PCDHA10: variants seen among roughly 807,000 people sequenced by gnomAD.
PCDHA10 encodes the protein protocadherin alpha 10.
A neutral mutation model predicts 61.2 loss-of-function variants in PCDHA10; 45 were observed. That is an observed-to-expected ratio of 0.74 (90% CI 0.58 to 0.94). The LOEUF is 0.94. Ranked by LOEUF, PCDHA10 falls within the 40% of genes least tolerant of loss-of-function variation. PCDHA10 has a pLI of 0.00. For missense variants in PCDHA10, 1,278 were observed against 1,236.2 expected (o/e 1.03, Z -0.51); for synonymous variants, 602 against 548.8 (o/e 1.10, Z -1.35).
rs1238840347 is a variant in PCDHA10 at position 140,858,526 on chromosome 5, AT to A, written c.2388+95del. On this transcript the variant is annotated intron_variant, in intron 1 of 3. Coordinates refer to ENST00000307360, the MANE Select transcript of PCDHA10 (RefSeq NM_018901.4). ...TCTCAAATATGTATCAGAATATTTC[AT>A]TTTTGTCTACATTCCATTTATGCTT... 6.2e-5 allele frequency: 87 copies of A among 1,407,632 alleles called. 5 individuals carry two copies. The highest frequency in any genetic ancestry group is 8.4e-5 in the Non-Finnish European group (85 of 1,016,948). The allele number at this position is 1,407,632 out of a possible 1,614,324, so 87.2% of individuals were successfully genotyped here.
intron 1 of PCDHA10, among the ~76,000 whole-genome samples, chr5:140,909,538 A>T (rs1204423392): frequency 6.6e-6 from 1 of 152,148 alleles, no homozygotes; most frequent in East Asian, 1.9e-4. Context: ...TGAGTCCTTG[A>T]TGGTGGCACT....
At chr5:140,967,989 T>G (rs781892084) in intron 1 of PCDHA10, 2 of 1,614,228 alleles carry the variant, frequency 1.2e-6, no homozygotes, top group Non-Finnish European at 1.7e-6. Flanking sequence ...GAGGCCACAC[T>G]GCCTTTCCGA....
In PCDHA10 at chr5:140,929,377, C is replaced by G. The variant is rs1436728913; in HGVS notation, c.2389-49572C>G. 3 of 1,514,232 alleles carry G rather than the reference C, an allele frequency of 2.0e-6. No homozygotes were observed. In the African/African-American group the frequency reaches 4.2e-5, roughly 21 times the overall value. The allele number at this position is 1,514,232 out of a possible 1,614,324, so 93.8% of individuals were successfully genotyped here. Reference sequence around the variant, plus strand: ...CCTTTGGCCCGGAGATGGCTGCTAGCTGTGTTTTGAAATATTTCTTAGACA... The same window carrying G: ...CCTTTGGCCCGGAGATGGCTGCTAGGTGTGTTTTGAAATATTTCTTAGACA... On this transcript the variant is annotated intron_variant, in intron 1 of 3. Coordinates refer to ENST00000307360, the MANE Select transcript of PCDHA10 (RefSeq NM_018901.4).
chr5:140,865,376 G>A (rs1554159396), intron 1 of PCDHA10: 1 of 152,162 alleles, frequency 6.6e-6, no homozygotes, highest in African/African-American at 2.4e-5. Context: ...CATGTTATAG[G>A]TAGGGTAAAG....
At chr5:140,936,425 T>C (rs1471918068) in intron 1 of PCDHA10, among the ~76,000 whole-genome samples, 2 of 152,244 alleles carry the variant, frequency 1.3e-5, no homozygotes, top group Non-Finnish European at 2.9e-5. Flanking sequence ...TAATTTTAAT[T>C]AATTTAAGCT....
intron 1 of PCDHA10, among the ~76,000 whole-genome samples, chr5:140,962,009 G>C (rs545144318): frequency 1.3e-4 from 19 of 151,596 alleles, no homozygotes; most frequent in African/African-American, 3.6e-4. Flanking sequence ...TCAGCTTCCC[G>C]AGTAGCTGGG....
rs1554214040 is a variant in PCDHA10, at chr5:140,941,214, C to CCTTCCTTTCTTTCTTTCTTTCTTTCTTT, written c.2389-37732_2389-37731insCCTTTCTTTCTTTCTTTCTTTCTTTCTT. Reference sequence around the variant, plus strand: ...TTTTTTCTTTCTTCCTTTCTTTCTTCCTTTCTTTCTTTCTTTCTTTCTTTC... The same window carrying CCTTCCTTTCTTTCTTTCTTTCTTTCTTT: ...TTTTTTCTTTCTTCCTTTCTTTCTTCCTTCCTTTCTTTCTTTCTTTCTTTCTTTCTTTCTTTCTTTCTTTCTTTCTTTC... On this transcript the variant is annotated intron_variant, in intron 1 of 3. Transcript: ENST00000307360. Among the ~76,000 whole-genome samples, 25 of 122,492 alleles carry CCTTCCTTTCTTTCTTTCTTTCTTTCTTT rather than the reference C, an allele frequency of 2.0e-4. 1 individual carries two copies. Among genetic ancestry groups the CCTTCCTTTCTTTCTTTCTTTCTTTCTTT allele is most frequent in the East Asian group, 4.6e-4 (2 of 4,322 alleles). The allele number at this position is 122,492 out of a possible 152,430, so 80.4% of individuals were successfully genotyped here.
At position 140,974,381 on chromosome 5, in the gene PCDHA10, G is replaced by A. The variant is rs782006620; in HGVS notation, c.2389-4568G>A. 3.3e-5 allele frequency among the ~76,000 whole-genome samples: 5 copies of A among 152,272 alleles called. No homozygotes were observed. In the East Asian group the frequency reaches 7.7e-4, roughly 23 times the overall value. On this transcript the variant is annotated intron_variant, in intron 1 of 3. Transcript: ENST00000307360. ...AGACCTAGCACTTTCTGTTGTACTG[G>A]AACCCATTAGGTATGTTCTAAAGTT...
intron 3 of PCDHA10, among the ~76,000 whole-genome samples, chr5:140,988,661 A>G (rs1411850477): frequency 6.6e-6 from 1 of 152,186 alleles, no homozygotes; most frequent in Non-Finnish European, 1.5e-5. Context: ...TTGTTTATGA[A>G]TAGACTCTAA....
intron 1 of PCDHA10, chr5:140,926,614 C>G: frequency 2.6e-6 from 1 of 377,760 alleles, no homozygotes; most frequent in Non-Finnish European, 4.6e-6. Flanking sequence ...TCTCTGCACC[C>G]CTAGGCGGCG....
chr5:141,007,094 A>G (rs559556000), intron 3 of PCDHA10, among the ~76,000 whole-genome samples: 1 of 152,300 alleles, frequency 6.6e-6, no homozygotes, highest in Admixed American at 6.5e-5. Context: ...AAGAGAGTCT[A>G]GGGCCAAACC....
rs945250298 is a variant in PCDHA10 at position 140,897,146 on chromosome 5, A to G, written c.2388+38710A>G. Among the ~76,000 whole-genome samples the G allele has an allele frequency of 5.3e-5, 8 of 152,258 alleles. No individual in the cohort carries two copies. In the East Asian group the frequency reaches 1.5e-3, roughly 29 times the overall value. On this transcript the variant is annotated intron_variant, in intron 1 of 3. Coordinates refer to ENST00000307360, the MANE Select transcript of PCDHA10 (RefSeq NM_018901.4). Reference sequence around the variant, plus strand: ...CCCACTAAACTTTCTAGCCTTTGTTAACCATTCTTCTACTGTCTATCTCCA... The same window carrying G: ...CCCACTAAACTTTCTAGCCTTTGTTGACCATTCTTCTACTGTCTATCTCCA...
At position 140,857,548 on chromosome 5, in the gene PCDHA10, G is replaced by A. The variant is rs782667639; in HGVS notation, c.1500G>A (p.Glu500=). The change falls in exon 1 of 4, where the codon GAG becomes GAA. Residue 500 remains glutamate (E), a synonymous_variant. Transcript: ENST00000307360. ...CTCTGGTGGAGCGGCGGTTGGGCGA[G>A]CGCTCGCTGTCGAGCTACGTGTCGG... The part of the protein sequence containing the change: ...SYSLVERRLG[E]RSLSSYVSVH... The A allele has an allele frequency of 5.6e-6, 9 of 1,596,888 alleles. No individual in the cohort carries two copies. In the East Asian group the frequency reaches 1.8e-4, roughly 32 times the overall value.
At chr5:140,859,558 A>G (rs1554152480) in intron 1 of PCDHA10, 1 of 177,480 alleles carries the variant, frequency 5.6e-6, no homozygotes, top group African/African-American at 2.4e-5. Flanking sequence ...CCAAACACCA[A>G]TGCCATGAAT....
intron 3 of PCDHA10, among the ~76,000 whole-genome samples, chr5:140,993,629 T>G (rs1359195159): frequency 5.9e-5 from 9 of 152,160 alleles, no homozygotes; most frequent in Non-Finnish European, 1.0e-4. Flanking sequence ...CTATATATAG[T>G]CGTGTACCAA....
At chr5:140,966,972 T>G (rs1554229007) in intron 1 of PCDHA10, 1 of 1,602,828 alleles carries the variant, frequency 6.2e-7, no homozygotes, top group African/African-American at 1.3e-5. Flanking sequence ...GGGCTTGAGC[T>G]GCGGCGCTTG....
chr5:140,967,074 A>C (rs1554229140), intron 1 of PCDHA10: 1 of 1,613,138 alleles, frequency 6.2e-7, no homozygotes. Flanking sequence ...TTCGTCAACG[A>C]GCGCATTGAT....
chr5:140,875,698 G>C (rs2055722414), intron 1 of PCDHA10: 1 of 1,614,084 alleles, frequency 6.2e-7, no homozygotes, highest in African/African-American at 1.3e-5. Context: ...GGACCTTCTG[G>C]AGGTAAATCT....
chr5:140,950,086 T>G (rs1178086288), intron 1 of PCDHA10, among the ~76,000 whole-genome samples: 1 of 151,946 alleles, frequency 6.6e-6, no homozygotes, highest in Non-Finnish European at 1.5e-5. Flanking sequence ...TATGCTATAG[T>G]TTTCATTTGT....
Sources: gnomAD v4.1 joint callset for allele counts (sites outside exome capture counted in the v4.1 genomes callset) on GRCh38, gnomAD v4.1.1 for gene constraint, MANE v1.5 for transcripts, NCBI Gene and HGNC (gene_info 2026-07-23, HGNC 2026-07-21) for gene names.